MACROD1: variants seen among roughly 807,000 people sequenced by gnomAD.
MACROD1 encodes mono-ADP ribosylhydrolase 1.
MACROD1 carries 31 observed loss-of-function variants against 41.4 expected under a neutral mutation model. The observed-to-expected ratio is 0.75, with a 90% CI of 0.56 to 1.01. The LOEUF (loss-of-function observed/expected upper bound fraction) is 1.01, where lower values mean the gene tolerates loss of function less well. MACROD1 is among the 50% of genes least tolerant of loss of function. The pLI is 0.00. For missense variants in MACROD1, 473 were observed against 460.0 expected (o/e 1.03, Z -0.26); for synonymous variants, 252 against 203.4 (o/e 1.24, Z -2.03).
intron 3 of MACROD1, among the ~76,000 whole-genome samples, chr11:64,026,636 C>T (rs966273392): frequency 1.3e-5 from 2 of 152,188 alleles, no homozygotes; most frequent in African/African-American, 4.8e-5. Flanking sequence ...TTAAAATTCT[C>T]CAATAGCTTC....
chr11:64,023,943 G>A (rs570756891), intron 3 of MACROD1, among the ~76,000 whole-genome samples: 3 of 152,198 alleles, frequency 2.0e-5, no homozygotes, highest in Admixed American at 6.5e-5. Flanking sequence ...TGGGTTTCTT[G>A]GGCTCTGTCT....
chr11:64,001,648 G>A (rs781347338), intron 4 of MACROD1: 247 of 701,118 alleles, frequency 3.5e-4, no homozygotes, highest in Non-Finnish European at 5.5e-4. Flanking sequence ...TGGGTGGGCA[G>A]AGAGGTTAGG....
intron 3 of MACROD1, among the ~76,000 whole-genome samples, chr11:64,139,397 G>A (rs933544988): frequency 6.6e-6 from 1 of 152,198 alleles, no homozygotes; most frequent in African/African-American, 2.4e-5. Flanking sequence ...CCTTAGCCAT[G>A]AGCCATCATG....
intron 3 of MACROD1, among the ~76,000 whole-genome samples, chr11:64,059,718 C>T (rs968996825): frequency 4.6e-5 from 7 of 152,248 alleles, no homozygotes; most frequent in Admixed American, 6.5e-5. Flanking sequence ...GGTCACTCAG[C>T]TACTCCCAGC....
chr11:64,085,402 C>G (rs911452680), intron 3 of MACROD1, among the ~76,000 whole-genome samples: 3 of 152,172 alleles, frequency 2.0e-5, no homozygotes, highest in Non-Finnish European at 4.4e-5. Context: ...GCCTGCCTTC[C>G]GGGGACGGAG....
chr11:64,134,185 T>G (rs994544765), intron 3 of MACROD1, among the ~76,000 whole-genome samples: 3 of 152,198 alleles, frequency 2.0e-5, no homozygotes, highest in Non-Finnish European at 4.4e-5. Context: ...CAGTGGAGGA[T>G]TCCAGGGGAT....
At chr11:64,001,142 A>G in intron 4 of MACROD1, 1 of 436,488 alleles carries the variant, frequency 2.3e-6, no homozygotes, top group Non-Finnish European at 4.1e-6. Context: ...GGAGGCATGG[A>G]GGAAACGCTC....
intron 3 of MACROD1, among the ~76,000 whole-genome samples, chr11:64,034,335 C>A (rs901631973): frequency 6.6e-6 from 1 of 152,108 alleles, no homozygotes; most frequent in Non-Finnish European, 1.5e-5. Context: ...CGCCACAGGG[C>A]GGTGGCATTG....
At chr11:64,055,147 C>T (rs374761370) in intron 3 of MACROD1, among the ~76,000 whole-genome samples, 1 of 152,344 alleles carries the variant, frequency 6.6e-6, no homozygotes, top group East Asian at 1.9e-4. Context: ...CTTTAGTTGT[C>T]CCCAGATCCA....
At chr11:64,057,875 G>A (rs1042831511) in intron 3 of MACROD1, among the ~76,000 whole-genome samples, 3 of 152,210 alleles carry the variant, frequency 2.0e-5, no homozygotes, top group Non-Finnish European at 4.4e-5. Context: ...GCACGAATTC[G>A]TGAGGTCACA....
At chr11:64,016,768 C>A (rs927797553) in intron 3 of MACROD1, among the ~76,000 whole-genome samples, 2 of 151,920 alleles carry the variant, frequency 1.3e-5, no homozygotes, top group Non-Finnish European at 2.9e-5. Context: ...GGGTGGGGGC[C>A]GCGGGAAGTG....
Position 64,138,431 on chromosome 11 carries a change from T to A in MACROD1, c.517+12808A>T, listed in dbSNP as rs151145928. 2,578 of 826,050 alleles carry A rather than the reference T, an allele frequency of 3.1e-3. 42 individuals carry two copies. In the African/African-American group the frequency reaches 0.04, roughly 13 times the overall value. 51.2% of individuals were successfully genotyped at this position (826,050 alleles called of 1,614,324 possible). On this transcript the variant is annotated intron_variant, in intron 3 of 10. Transcript: ENST00000255681. ...CAAAGCTCTCCTCACAAATGTCAAT[T>A]CTGGGCCATTTGCTTCGTAGATTTT...
intron 3 of MACROD1, among the ~76,000 whole-genome samples, chr11:64,030,646 T>C (rs1240213615): frequency 6.6e-6 from 1 of 152,168 alleles, no homozygotes; most frequent in Admixed American, 6.5e-5. Flanking sequence ...GTGGACATGT[T>C]GGCCGGTAGA....
At chr11:64,001,848 G>T in intron 4 of MACROD1, 1 of 682,934 alleles carries the variant, frequency 1.5e-6, no homozygotes. Flanking sequence ...CTGGGCTGTG[G>T]AGCTGGGCAA....
intron 3 of MACROD1, among the ~76,000 whole-genome samples, chr11:64,111,801 C>T (rs1308464333): frequency 1.3e-5 from 2 of 152,182 alleles, no homozygotes; most frequent in Non-Finnish European, 2.9e-5. Context: ...CTTCCCAGTC[C>T]CCAATGTAAT....
chr11:64,008,134 G>T (rs1201784265), intron 4 of MACROD1, among the ~76,000 whole-genome samples: 1 of 152,216 alleles, frequency 6.6e-6, no homozygotes, highest in Non-Finnish European at 1.5e-5. Context: ...CGGGCCTGCG[G>T]GTCTACGAAC....
chr11:64,025,909 G>A (rs1426748496), intron 3 of MACROD1, among the ~76,000 whole-genome samples: 7 of 151,920 alleles, frequency 4.6e-5, no homozygotes, highest in Non-Finnish European at 8.8e-5. Context: ...CGGGCCGGGC[G>A]CCGTAACTCA....
intron 3 of MACROD1, among the ~76,000 whole-genome samples, chr11:64,035,211 C>T (rs560502892): frequency 2.0e-5 from 3 of 151,936 alleles, no homozygotes; most frequent in Non-Finnish European, 4.4e-5. Flanking sequence ...TGGCATGGGA[C>T]CCTGGCACTG....
At chr11:64,163,693 G>C (rs747871875) in intron 1 of MACROD1, among the ~76,000 whole-genome samples, 1 of 152,204 alleles carries the variant, frequency 6.6e-6, no homozygotes, top group Non-Finnish European at 1.5e-5. Context: ...CTCAGAGGGA[G>C]GGAGACCCTG....
Sources: allele counts gnomAD v4.1 joint callset (sites outside exome capture counted in the v4.1 genomes callset), GRCh38; gene constraint gnomAD v4.1.1; transcripts MANE v1.5; gene names NCBI Gene and HGNC (gene_info 2026-07-23, HGNC 2026-07-21).